The following CAST variants were observed in gnomAD, a reference collection of about 807,000 sequenced individuals.
The protein encoded by CAST is calpastatin.
CAST carries 76 observed loss-of-function variants against 119.6 expected under a neutral mutation model. That is an observed-to-expected ratio of 0.64 (90% CI 0.53 to 0.77). The LOEUF (loss-of-function observed/expected upper bound fraction) is 0.77. CAST is among the 30% of genes least tolerant of loss of function. The pLI is 0.00. For synonymous variants in CAST, 319 were observed against 331.6 expected (o/e 0.96, Z 0.41); for missense variants, 953 against 946.5 (o/e 1.01, Z -0.09).
At chr5:95,990,294 CTTAGT>C in the CAST span, among the ~76,000 whole-genome samples, 12 of 151,920 alleles carry the variant, frequency 7.9e-5, no homozygotes, top group Admixed American at 6.6e-4. Context: ...TGTGAGCTCA[CTTAGT>C]TTAAAGGAAG....
the CAST span, among the ~76,000 whole-genome samples, chr5:96,282,866 A>C: frequency 1.3e-5 from 2 of 152,086 alleles, no homozygotes; most frequent in African/African-American, 4.8e-5. Context: ...GCGGTGGCTC[A>C]CGCTTGTAAT....
intron 1 of CAST, among the ~76,000 whole-genome samples, chr5:96,579,372 A>G (rs1398124859): frequency 6.6e-6 from 1 of 152,152 alleles, no homozygotes; most frequent in African/African-American, 2.4e-5. Flanking sequence ...ATATTTCGGC[A>G]CAGGAGAATA....
the CAST span, among the ~76,000 whole-genome samples, chr5:96,222,947 A>G: frequency 6.6e-6 from 1 of 152,292 alleles, no homozygotes; most frequent in African/African-American, 2.4e-5. Context: ...ATGAAATCAT[A>G]TCATTTGCAG....
At chr5:96,344,215 T>C in the CAST span, among the ~76,000 whole-genome samples, 1 of 152,116 alleles carries the variant, frequency 6.6e-6, no homozygotes, top group African/African-American at 2.4e-5. Flanking sequence ...ACATAGTTTC[T>C]AGTGATGAGT....
chr5:96,554,639 T>A (rs981150761), intron 1 of CAST, among the ~76,000 whole-genome samples: 2 of 151,804 alleles, frequency 1.3e-5, no homozygotes, highest in African/African-American at 2.4e-5. Flanking sequence ...TGGGAGAAAA[T>A]TTTTCAATCT....
chr5:96,621,347 A>G (rs193283066), intron 1 of CAST, among the ~76,000 whole-genome samples: 6 of 152,322 alleles, frequency 3.9e-5, no homozygotes, highest in African/African-American at 1.4e-4. Flanking sequence ...TGTCACATAT[A>G]AGGGCAGGTA....
the CAST span, among the ~76,000 whole-genome samples, chr5:96,083,769 G>A: frequency 6.6e-6 from 1 of 152,180 alleles, no homozygotes. Flanking sequence ...CCCTGTCAGT[G>A]TACCCTGTCA....
the CAST span, among the ~76,000 whole-genome samples, chr5:96,126,406 G>A: frequency 6.6e-6 from 1 of 152,152 alleles, no homozygotes; most frequent in South Asian, 2.1e-4. Flanking sequence ...TCTTGCTTTA[G>A]TATCAGTTGA....
At chr5:96,320,610 A>G in the CAST span, among the ~76,000 whole-genome samples, 1 of 152,212 alleles carries the variant, frequency 6.6e-6, no homozygotes, top group Non-Finnish European at 1.5e-5. Context: ...AGAGAAAATC[A>G]AGTTGGCATT....
chr5:96,619,542 T>C (rs530456295), intron 1 of CAST, among the ~76,000 whole-genome samples: 2 of 152,330 alleles, frequency 1.3e-5, no homozygotes, highest in Non-Finnish European at 2.9e-5. Flanking sequence ...GTGTGGTAGC[T>C]TTGTTCTTTT....
At chr5:96,071,233 TA>T in the CAST span, among the ~76,000 whole-genome samples, 1 of 151,912 alleles carries the variant, frequency 6.6e-6, no homozygotes, top group Non-Finnish European at 1.5e-5. Flanking sequence ...CTTCACCCTA[TA>T]TTTCCTAACA....
At chr5:96,241,330 G>A in the CAST span, among the ~76,000 whole-genome samples, 2 of 150,912 alleles carry the variant, frequency 1.3e-5, no homozygotes, top group Admixed American at 1.3e-4. Flanking sequence ...TTTTGTTCTT[G>A]TGATAGTTTA....
At chr5:96,411,534 T>C in the CAST span, among the ~76,000 whole-genome samples, 1 of 152,210 alleles carries the variant, frequency 6.6e-6, no homozygotes, top group Non-Finnish European at 1.5e-5. Context: ...TTAGAATCTG[T>C]GCAAGAATAC....
At chr5:96,400,856 GGC>G in the CAST span, among the ~76,000 whole-genome samples, 3 of 150,850 alleles carry the variant, frequency 2.0e-5, no homozygotes, top group African/African-American at 7.3e-5. Flanking sequence ...GGGAGGCCGA[GGC>G]GGGCGGATCA....
rs139066433 is a variant in CAST, at chr5:96,721,977, C to G, written c.211-662C>G. Among the ~76,000 whole-genome samples, 24 of 152,352 alleles carry G rather than the reference C, an allele frequency of 1.6e-4. 1 individual carries two copies. The East Asian group carries it at 4.6e-3, about 29-fold the overall frequency. ...CTCTGTAACCTTGTCTCCACCTTCTCTTTCTTACATGACACTGAACGGACA... is the reference window on the plus strand; with the variant it reads ...CTCTGTAACCTTGTCTCCACCTTCTGTTTCTTACATGACACTGAACGGACA... On this transcript the variant is annotated intron_variant, in intron 3 of 31. Transcript: ENST00000675179.
chr5:96,377,792 C>T, the CAST span, among the ~76,000 whole-genome samples: 1 of 151,968 alleles, frequency 6.6e-6, no homozygotes, highest in East Asian at 1.9e-4. Flanking sequence ...ATGCTTTTTT[C>T]CCCCACTCAG....
At chr5:96,044,323 A>G in the CAST span, among the ~76,000 whole-genome samples, 2 of 152,202 alleles carry the variant, frequency 1.3e-5, no homozygotes, top group South Asian at 4.1e-4. Flanking sequence ...GAATGGAATT[A>G]ATGTTCTTAT....
At chr5:96,415,490 A>G in the CAST span, among the ~76,000 whole-genome samples, 7 of 152,242 alleles carry the variant, frequency 4.6e-5, no homozygotes, top group Non-Finnish European at 8.8e-5. Context: ...CTTTATTAAA[A>G]TGTCCACAGT....
rs1304672722 is a variant in CAST at position 96,741,571 on chromosome 5, G to C, written c.1089G>C (p.Lys363Asn). Residue 363 changes from lysine (K) to asparagine (N), a missense_variant, in exon 15 of 32, where the codon AAG (lysine) becomes AAC (asparagine). Transcript: ENST00000675179. ...CTCCACCCCAAGAGAAGAAAAGAAA[G>C]GTGGAGAAGGTATAGTCACAGTCTA... ...SAAPPQEKKR[K>N]VEKDTMSDQA... 2 of 1,610,774 alleles carry C rather than the reference G, an allele frequency of 1.2e-6. No individual in the cohort carries two copies. Among genetic ancestry groups the C allele is most frequent in the Non-Finnish European group, 8.5e-7 (1 of 1,177,158 alleles).
Sources: allele counts gnomAD v4.1 joint callset (sites outside exome capture counted in the v4.1 genomes callset), GRCh38; gene constraint gnomAD v4.1.1; transcripts MANE v1.5; gene names NCBI Gene and HGNC (gene_info 2026-07-23, HGNC 2026-07-21).